Variants in LRMDA observed in about 807,000 individuals in gnomAD.
LRMDA encodes the protein leucine rich melanocyte differentiation associated, also known as leucine-rich melanocyte differentiation-associated protein.
Under a neutral mutation model 29.8 loss-of-function variants are expected in LRMDA, and 18 were observed. The ratio of observed to expected loss-of-function variants is 0.60; its 90% CI spans 0.42 to 0.90. LRMDA has a LOEUF of 0.90. LRMDA is among the 40% of genes least tolerant of loss of function. The pLI is 0.00. For missense variants in LRMDA, 273 were observed against 273.9 expected (o/e 1.00, Z 0.02); for synonymous variants, 125 against 109.4 (o/e 1.14, Z -0.89).
chr10:76,421,921 TTC>T (rs1842075497), intron 6 of LRMDA, among the ~76,000 whole-genome samples: 1 of 152,218 alleles, frequency 6.6e-6, no homozygotes, highest in Non-Finnish European at 1.5e-5. Flanking sequence ...GTTATATTCC[TTC>T]AGAGAAGACA....
intron 2 of LRMDA, among the ~76,000 whole-genome samples, chr10:75,755,470 A>G (rs1258063166): frequency 3.3e-5 from 5 of 152,254 alleles, no homozygotes; most frequent in Admixed American, 2.6e-4. Flanking sequence ...CTCTAACGGC[A>G]ACATGCATTC....
rs1843345609 is a variant in LRMDA, at chr10:75,778,916, G to A, written c.132-257092G>A. 4.6e-5 allele frequency among the ~76,000 whole-genome samples: 7 copies of A among 152,274 alleles called. No individual in the cohort carries two copies. In the South Asian group the frequency reaches 1.5e-3, roughly 32 times the overall value. Reference sequence around the variant, plus strand: ...AAGGGATCCAAGTAGGAATAAATTGGCCTATTTGTAGGAATAAGGGAAGTT... The same window carrying A: ...AAGGGATCCAAGTAGGAATAAATTGACCTATTTGTAGGAATAAGGGAAGTT... On this transcript the variant is annotated intron_variant, in intron 2 of 6. Transcript: ENST00000611255.
At chr10:75,698,855 C>T (rs1048074831) in intron 2 of LRMDA, among the ~76,000 whole-genome samples, 1 of 152,124 alleles carries the variant, frequency 6.6e-6, no homozygotes, top group East Asian at 1.9e-4. Context: ...AAAGAATTTG[C>T]GTTTTTGTTG....
intron 5 of LRMDA, among the ~76,000 whole-genome samples, chr10:76,244,231 G>A (rs141431019): frequency 4.7e-4 from 71 of 152,254 alleles, no homozygotes; most frequent in African/African-American, 1.6e-3. Flanking sequence ...AGTATCGTGA[G>A]GACCGTGAAA....
chr10:75,644,988 CTTTT>C (rs139813398), intron 2 of LRMDA, among the ~76,000 whole-genome samples: 286 of 143,668 alleles, frequency 2.0e-3, no homozygotes, highest in East Asian at 4.5e-3. Context: ...TTATTTTACT[CTTTT>C]TTTTTTTTTT....
chr10:76,374,174 A>G (rs890496002), intron 6 of LRMDA, among the ~76,000 whole-genome samples: 1 of 152,222 alleles, frequency 6.6e-6, no homozygotes, highest in African/African-American at 2.4e-5. Context: ...AGTGTACACC[A>G]TAACTACATT....
At chr10:76,514,000 G>A (rs1843035406) in intron 6 of LRMDA, among the ~76,000 whole-genome samples, 1 of 152,132 alleles carries the variant, frequency 6.6e-6, no homozygotes, top group South Asian at 2.1e-4. Flanking sequence ...AATAGTATTA[G>A]GGTAAGAATT....
chr10:75,878,446 G>A (rs538690770), intron 2 of LRMDA, among the ~76,000 whole-genome samples: 54 of 152,038 alleles, frequency 3.6e-4, no homozygotes, highest in South Asian at 2.1e-4. Flanking sequence ...TCCTCAGACC[G>A]TCACTGACTG....
intron 2 of LRMDA, among the ~76,000 whole-genome samples, chr10:75,876,665 G>C (rs1029393975): frequency 6.6e-6 from 1 of 152,150 alleles, no homozygotes; most frequent in Non-Finnish European, 1.5e-5. Flanking sequence ...TCTGGTGCAG[G>C]ACGCTAGAGC....
At chr10:75,909,872 T>G (rs2132375433) in intron 2 of LRMDA, among the ~76,000 whole-genome samples, 1 of 152,290 alleles carries the variant, frequency 6.6e-6, no homozygotes, top group South Asian at 2.1e-4. Flanking sequence ...CTTCTAAATT[T>G]TGATGGAGTA....
chr10:76,512,492 G>A (rs1430125606), intron 6 of LRMDA, among the ~76,000 whole-genome samples: 1 of 152,098 alleles, frequency 6.6e-6, no homozygotes, highest in Admixed American at 6.6e-5. Context: ...CAACCTTTTC[G>A]ACAAATGATG....
chr10:76,374,826 G>C (rs972570111), intron 6 of LRMDA, among the ~76,000 whole-genome samples: 2 of 152,130 alleles, frequency 1.3e-5, no homozygotes, highest in African/African-American at 4.8e-5. Context: ...AGAAATTCTT[G>C]AATCATGGCA....
At chr10:76,156,000 G>A (rs1277937105) in intron 5 of LRMDA, among the ~76,000 whole-genome samples, 1 of 152,134 alleles carries the variant, frequency 6.6e-6, no homozygotes, top group African/African-American at 2.4e-5. Flanking sequence ...AGTGATTAGT[G>A]TTGGATATGG....
intron 2 of LRMDA, among the ~76,000 whole-genome samples, chr10:75,665,344 A>T (rs1483472167): frequency 6.6e-6 from 1 of 152,222 alleles, no homozygotes; most frequent in African/African-American, 2.4e-5. Context: ...TGGTGGGCTG[A>T]TACAACACAC....
At chr10:75,828,047 A>G (rs1844276392) in intron 2 of LRMDA, among the ~76,000 whole-genome samples, 1 of 152,190 alleles carries the variant, frequency 6.6e-6, no homozygotes, top group Admixed American at 6.5e-5. Context: ...TCTGGCTTTT[A>G]AATGTAGTCT....
chr10:76,129,234 C>G (rs545983208), intron 5 of LRMDA, among the ~76,000 whole-genome samples: 1 of 152,270 alleles, frequency 6.6e-6, no homozygotes, highest in Admixed American at 6.5e-5. Context: ...GCTGATACCC[C>G]CTTCACTTTG....
chr10:75,612,463 A>G (rs1841044584), intron 2 of LRMDA, among the ~76,000 whole-genome samples: 1 of 152,180 alleles, frequency 6.6e-6, no homozygotes, highest in African/African-American at 2.4e-5. Context: ...ATAAGACATT[A>G]AACTTTAATT....
Position 76,367,654 on chromosome 10 carries a change from C to T in LRMDA, c.601+43169C>T, listed in dbSNP as rs1295000183. Among the ~76,000 whole-genome samples, 3 of 152,066 alleles carry T rather than the reference C, an allele frequency of 2.0e-5. No individual in the cohort carries two copies. The South Asian group carries it at 6.2e-4, about 32-fold the overall frequency. ...CATCAGGCTGGTCTTGAACTCCAGA[C>T]CTCAGGTGATCCACCTGCCCCGATC... On this transcript the variant is annotated intron_variant, in intron 6 of 6. Transcript: ENST00000611255.
chr10:75,853,262 TCTG>T (rs1255810903), intron 2 of LRMDA, among the ~76,000 whole-genome samples: 4 of 152,148 alleles, frequency 2.6e-5, no homozygotes, highest in Non-Finnish European at 4.4e-5. Flanking sequence ...CTTCCTATCA[TCTG>T]CTGCAGGCCT....
Sources: gnomAD v4.1 joint callset for allele counts (sites outside exome capture counted in the v4.1 genomes callset) on GRCh38, gnomAD v4.1.1 for gene constraint, MANE v1.5 for transcripts, NCBI Gene and HGNC (gene_info 2026-07-23, HGNC 2026-07-21) for gene names.